The following RSBN1 variants were observed in gnomAD, a reference collection of about 807,000 sequenced individuals.
The protein encoded by RSBN1 is lysine-specific demethylase 9.
A neutral mutation model predicts 74.8 loss-of-function variants in RSBN1; 23 were observed. The ratio of observed to expected loss-of-function variants is 0.31; its 90% CI spans 0.22 to 0.44. RSBN1 has a LOEUF of 0.44. RSBN1 is among the 20% of genes least tolerant of loss of function. The pLI is 1.00. For missense variants in RSBN1, 808 were observed against 1,020.9 expected (o/e 0.79, Z 2.84); for synonymous variants, 407 against 379.6 (o/e 1.07, Z -0.84).
intron 2 of RSBN1, among the ~76,000 whole-genome samples, chr1:113,792,080 TAAGA>T (rs1558000878): frequency 6.6e-6 from 1 of 152,280 alleles, no homozygotes; most frequent in African/African-American, 2.4e-5. Flanking sequence ...AAAAGTAATA[TAAGA>T]AATAAAACTA....
rs771108896 is a variant in RSBN1 at position 113,811,736 on chromosome 1, A to G, written c.677T>C (p.Val226Ala). 2.0e-5 allele frequency: 32 copies of G among 1,606,242 alleles called. 1 individual carries two copies. The South Asian group carries it at 3.4e-4, about 17-fold the overall frequency. The change falls in exon 1 of 7, where the codon GTG (valine) becomes GCG (alanine). Residue 226 changes from valine to alanine, a missense_variant. Physicochemically the swap from Val to Ala is moderately conservative, Grantham distance 64. This residue lies in a region of RSBN1 where 464 missense variants were observed against 401.0 expected (regional missense o/e 1.16). Coordinates refer to ENST00000261441, the MANE Select transcript of RSBN1 (RefSeq NM_018364.5). ...TCTCTTGGGGGCTTTGATCAGAGGC[A>G]CCCCTCCAGTCCTCTCGCCGTTTTC... is the stretch of plus-strand genomic sequence containing the variant. Reference protein sequence around the residue: ...KQENGERTGGVPLIKAPKRET... With the variant: ...KQENGERTGGAPLIKAPKRET...
At chr1:113,787,071 G>A (rs1245672562) in intron 2 of RSBN1, among the ~76,000 whole-genome samples, 1 of 152,106 alleles carries the variant, frequency 6.6e-6, no homozygotes, top group South Asian at 2.1e-4. Context: ...TTGGGATGGT[G>A]TTCAATTTAT....
In RSBN1 at chr1:113,811,940, A is replaced by G; in HGVS notation, c.473T>C (p.Val158Ala). Residue 158 changes from valine (V) to alanine (A), a missense_variant, in exon 1 of 7, where the codon GTC becomes GCC. Physicochemically the swap from Val to Ala is moderately conservative, Grantham distance 64. Coordinates refer to ENST00000261441, the MANE Select transcript of RSBN1 (RefSeq NM_018364.5). The stretch of plus-strand genomic sequence containing the variant: ...GCTTGGGGCCGGGAGAGGGGCAGCG[A>G]CAGCGGGCCCGGCGGGTGCCAGCGA... ...PPSLAPAGPA[V>A]AAPLPAPSTS... 4.4e-6 allele frequency: 7 copies of G among 1,598,410 alleles called. No homozygotes were observed. Among genetic ancestry groups the G allele is most frequent in the Non-Finnish European group, 6.0e-6 (7 of 1,171,756 alleles).
In RSBN1 at chr1:113,766,082, C is replaced by A. The variant is rs768384911; in HGVS notation, c.2307G>T (p.Gln769His). Reference sequence around the variant, plus strand: ...GAATAGGCTGAGTCTTCTGATCTTGCTGTAGATTAAGTTCTGATGCAGGTG... The same window carrying A: ...GAATAGGCTGAGTCTTCTGATCTTGATGTAGATTAAGTTCTGATGCAGGTG... ...SFPPASELNLQQDQKTQPIPV... is the reference protein window; with the variant it reads ...SFPPASELNLHQDQKTQPIPV... Residue 769 changes from glutamine (Q) to histidine (H), a missense_variant, in exon 7 of 7, where the codon CAG becomes CAT. Transcript: ENST00000261441. The A allele has an allele frequency of 7.4e-6, 12 of 1,614,086 alleles. No homozygotes were observed. The highest frequency in any genetic ancestry group is 1.0e-5 in the Non-Finnish European group (12 of 1,179,946).
At chr1:113,767,002 T>A in intron 6 of RSBN1, 97 bp downstream of exon 6, 156 of 519,824 alleles carry the variant, frequency 3.0e-4, no homozygotes, top group Middle Eastern at 5.9e-4. Flanking sequence ...TTAAACTCAC[T>A]ATCCCACATA....
chr1:113,797,360 T>C lies in RSBN1; in HGVS notation c.1377+3A>G. The C allele has an allele frequency of 6.2e-7, 1 of 1,602,956 alleles. No homozygotes were observed. The highest frequency in any genetic ancestry group is 8.5e-7 in the Non-Finnish European group (1 of 1,175,626). ...TAATTTTTAACAACAATTTTTATCTTACCTGAGTGTGAAAATTTGAAATGG... is the reference window on the plus strand; with the variant it reads ...TAATTTTTAACAACAATTTTTATCTCACCTGAGTGTGAAAATTTGAAATGG... On this transcript the variant is annotated splice_donor_region_variant and intron_variant, in intron 2 of 6. Coordinates refer to ENST00000261441, the MANE Select transcript of RSBN1 (RefSeq NM_018364.5).
In RSBN1 at chr1:113,811,851, G is replaced by A. The variant is rs201005772; in HGVS notation, c.562C>T (p.His188Tyr). The A allele has an allele frequency of 5.0e-6, 8 of 1,613,720 alleles. No homozygotes were observed. The highest frequency in any genetic ancestry group is 1.1e-5 in the South Asian group (1 of 91,066). ...TGATGGTGCTTGTGCCGCTCCTTGT[G>A]GCCCTTATGCTTGGGCCCGGCCGCG... ...VSAAGPKHKG[H>Y]KERHKHHHHR... Residue 188 changes from histidine (H) to tyrosine (Y), a missense_variant, in exon 1 of 7, where the codon CAC becomes TAC. Around this residue, in one of 6 missense-constraint regions of RSBN1, gnomAD observed 464 missense variants for 401.0 expected, o/e 1.16. Transcript: ENST00000261441.
intron 1 of RSBN1, among the ~76,000 whole-genome samples, chr1:113,803,598 A>G (rs1660635035): frequency 6.6e-6 from 1 of 152,196 alleles, no homozygotes. Flanking sequence ...AGTACTTATA[A>G]TAGTCCTAGA....
intron 4 of RSBN1, among the ~76,000 whole-genome samples, chr1:113,773,054 C>T (rs1328900452): frequency 1.3e-5 from 2 of 151,352 alleles, no homozygotes; most frequent in Non-Finnish European, 2.9e-5. Flanking sequence ...AACACCGAAG[C>T]TGAAAGCCAA....
chr1:113,794,888 T>C (rs1660440385), intron 2 of RSBN1, among the ~76,000 whole-genome samples: 1 of 152,224 alleles, frequency 6.6e-6, no homozygotes, highest in Non-Finnish European at 1.5e-5. Context: ...ATAAACTATC[T>C]TGAAATATAG....
chr1:113,802,200 T>C (rs1311007389), intron 1 of RSBN1, among the ~76,000 whole-genome samples: 1 of 151,590 alleles, frequency 6.6e-6, no homozygotes, highest in African/African-American at 2.4e-5. Flanking sequence ...AAGTGATCTA[T>C]CCGCCTCGGC....
intron 2 of RSBN1, among the ~76,000 whole-genome samples, chr1:113,779,776 A>G (rs1286159669): frequency 6.7e-6 from 1 of 150,320 alleles, no homozygotes; most frequent in Non-Finnish European, 1.5e-5. Flanking sequence ...TAATCCCAGC[A>G]CTTTGGGAGG....
intron 2 of RSBN1, among the ~76,000 whole-genome samples, chr1:113,797,121 T>C (rs1660486695): frequency 6.6e-6 from 1 of 152,188 alleles, no homozygotes; most frequent in Admixed American, 6.5e-5. Context: ...TTCAAGCTAG[T>C]TTTCCATAAA....
intron 1 of RSBN1, among the ~76,000 whole-genome samples, chr1:113,800,617 G>A (rs1396934357): frequency 6.6e-6 from 1 of 152,010 alleles, no homozygotes; most frequent in East Asian, 1.9e-4. Context: ...TTTAAGCTTC[G>A]GAAGAGGTAT....
intron 4 of RSBN1, among the ~76,000 whole-genome samples, chr1:113,776,030 G>T (rs1053322242): frequency 6.6e-6 from 1 of 152,128 alleles, no homozygotes; most frequent in African/African-American, 2.4e-5. Context: ...AGTCTAAGCA[G>T]GTATAGATCA....
At chr1:113,797,296 C>T (rs1163960450) in intron 2 of RSBN1, 67 bp downstream of exon 2, 13 of 1,274,612 alleles carry the variant, frequency 1.0e-5, no homozygotes, top group South Asian at 2.9e-5. Context: ...ATGTGCTGTG[C>T]GACAGAAAGA....
intron 1 of RSBN1, among the ~76,000 whole-genome samples, chr1:113,803,572 T>C (rs1660634506): frequency 6.6e-6 from 1 of 152,114 alleles, no homozygotes; most frequent in Non-Finnish European, 1.5e-5. Context: ...GCAGAGTAAA[T>C]GAAAAACGCA....
At chr1:113,778,625 T>C (rs189586178) in intron 2 of RSBN1, among the ~76,000 whole-genome samples, 1 of 152,150 alleles carries the variant, frequency 6.6e-6, no homozygotes, top group Non-Finnish European at 1.5e-5. Context: ...ACTCAACTTA[T>C]GACAAACTTA....
intron 4 of RSBN1, among the ~76,000 whole-genome samples, chr1:113,776,335 C>G (rs1479224795): frequency 1.3e-5 from 2 of 151,972 alleles, no homozygotes; most frequent in African/African-American, 4.8e-5. Flanking sequence ...AATTAATTAC[C>G]TAAGGAAGGA....
Sources: allele counts gnomAD v4.1 joint callset (sites outside exome capture counted in the v4.1 genomes callset), GRCh38; gene constraint gnomAD v4.1.1; regional missense constraint gnomAD v4.1.1; transcripts MANE v1.5; gene names NCBI Gene and HGNC (gene_info 2026-07-23, HGNC 2026-07-21).